Variants in CCDC91 observed in about 807,000 individuals in gnomAD.
CCDC91 encodes coiled-coil domain-containing protein 91.
In CCDC91, 48 loss-of-function variants were observed where a neutral mutation model predicts 63.2. The ratio of observed to expected loss-of-function variants is 0.76; its 90% CI spans 0.60 to 0.97. The LOEUF (loss-of-function observed/expected upper bound fraction) is 0.97, where lower values mean the gene tolerates loss of function less well. Among genes scored for constraint, CCDC91 ranks in the 50% least tolerant of loss-of-function variants. The pLI, the probability that CCDC91 is intolerant of heterozygous loss-of-function variation, is 0.00. For synonymous variants in CCDC91, 167 were observed against 165.8 expected (o/e 1.01, Z -0.06); for missense variants, 500 against 494.6 (o/e 1.01, Z -0.10).
At chr12:28,488,734 G>A (rs1951849230) in intron 12 of CCDC91, among the ~76,000 whole-genome samples, 1 of 151,754 alleles carries the variant, frequency 6.6e-6, no homozygotes, top group Admixed American at 6.6e-5. Flanking sequence ...AGAAGAAAAG[G>A]CAAACAGGAA....
At chr12:28,253,183 C>A (rs1203490034) in intron 1 of CCDC91, among the ~76,000 whole-genome samples, 2 of 152,092 alleles carry the variant, frequency 1.3e-5, no homozygotes, top group African/African-American at 2.4e-5. Context: ...CTTTGTGGAA[C>A]GTCTGATAAG....
At chr12:28,253,183 C>T (rs1203490034) in intron 1 of CCDC91, among the ~76,000 whole-genome samples, 4 of 152,092 alleles carry the variant, frequency 2.6e-5, no homozygotes, top group East Asian at 1.9e-4. Context: ...CTTTGTGGAA[C>T]GTCTGATAAG....
intron 12 of CCDC91, among the ~76,000 whole-genome samples, chr12:28,533,586 G>C (rs568807997): frequency 1.9e-4 from 29 of 151,912 alleles, no homozygotes; most frequent in African/African-American, 6.3e-4. Context: ...AAATATATCT[G>C]TTTACTTTCC....
intron 8 of CCDC91, among the ~76,000 whole-genome samples, chr12:28,414,881 A>G (rs1433889072): frequency 6.6e-6 from 1 of 152,158 alleles, no homozygotes; most frequent in Non-Finnish European, 1.5e-5. Context: ...CACAAATGAG[A>G]TACTCCATAG....
At chr12:28,489,407 C>G (rs1951883020) in intron 12 of CCDC91, among the ~76,000 whole-genome samples, 1 of 151,842 alleles carries the variant, frequency 6.6e-6, no homozygotes, top group Non-Finnish European at 1.5e-5. Context: ...TTTATAATGA[C>G]CGACAGCCCT....
intron 12 of CCDC91, among the ~76,000 whole-genome samples, chr12:28,522,647 T>A (rs141757526): frequency 0.21 from 31,225 of 152,126 alleles, 4,198 homozygotes; most frequent in Non-Finnish European, 0.3. Flanking sequence ...GCTTCTCTAG[T>A]TCTTTTAATT....
intron 12 of CCDC91, among the ~76,000 whole-genome samples, chr12:28,537,244 C>T (rs1473318936): frequency 2.0e-5 from 3 of 152,122 alleles, no homozygotes; most frequent in East Asian, 3.9e-4. Flanking sequence ...GGAGGAGGCA[C>T]TTGCCAATGC....
intron 3 of CCDC91, among the ~76,000 whole-genome samples, chr12:28,269,652 A>G (rs143182473): frequency 2.0e-5 from 3 of 152,212 alleles, no homozygotes; most frequent in African/African-American, 7.2e-5. Context: ...ATTTGATTTT[A>G]AAGTTTAGAA....
chr12:28,306,714 T>C (rs756032488), intron 4 of CCDC91, 28 bp from the exon 5 acceptor site: 7 of 1,501,672 alleles, frequency 4.7e-6, no homozygotes, highest in Non-Finnish European at 6.4e-6. Context: ...TTTCCTCTCT[T>C]GTGTATTTTT....
At chr12:28,378,996 C>T (rs1009817396) in intron 7 of CCDC91, among the ~76,000 whole-genome samples, 8 of 151,994 alleles carry the variant, frequency 5.3e-5, no homozygotes, top group Admixed American at 1.3e-4. Flanking sequence ...TATTGGAAAC[C>T]TTGCCAGAAG....
intron 8 of CCDC91, among the ~76,000 whole-genome samples, chr12:28,432,886 T>C (rs528371518): frequency 6.6e-6 from 1 of 152,210 alleles, no homozygotes; most frequent in African/African-American, 2.4e-5. Context: ...AAGCCTTTGG[T>C]GATTTCAAAT....
intron 11 of CCDC91, among the ~76,000 whole-genome samples, chr12:28,461,286 G>T (rs928928063): frequency 6.6e-5 from 10 of 151,994 alleles, no homozygotes; most frequent in African/African-American, 2.2e-4. Context: ...TTGATAAGAT[G>T]AATTGGGTGG....
At chr12:28,443,925 T>C (rs1305016899) in intron 8 of CCDC91, among the ~76,000 whole-genome samples, 1 of 152,238 alleles carries the variant, frequency 6.6e-6, no homozygotes, top group Non-Finnish European at 1.5e-5. Flanking sequence ...TATAAATTTC[T>C]ATACTGTGGT....
chr12:28,250,811 A>G (rs1252002157), intron 1 of CCDC91, among the ~76,000 whole-genome samples: 3 of 152,126 alleles, frequency 2.0e-5, no homozygotes, highest in African/African-American at 7.2e-5. Context: ...GGATCCCCAC[A>G]CTACCTCCAG....
chr12:28,199,244 T>C (rs2121398691), intron 1 of CCDC91, among the ~76,000 whole-genome samples: 1 of 152,248 alleles, frequency 6.6e-6, no homozygotes, highest in Admixed American at 6.5e-5. Flanking sequence ...ATTTTTTGAG[T>C]TCTCAGTGGT....
chr12:28,402,800 TC>T (rs1946719490), intron 8 of CCDC91, among the ~76,000 whole-genome samples: 1 of 152,142 alleles, frequency 6.6e-6, no homozygotes, highest in Non-Finnish European at 1.5e-5. Context: ...TTATTCTTTA[TC>T]AAGTTGAGGA....
chr12:28,204,802 ATTC>A (rs1440647902), intron 1 of CCDC91, among the ~76,000 whole-genome samples: 1 of 152,180 alleles, frequency 6.6e-6, no homozygotes, highest in Non-Finnish European at 1.5e-5. Flanking sequence ...AGTACAGCTA[ATTC>A]TTCTGTAGCG....
intron 6 of CCDC91, among the ~76,000 whole-genome samples, chr12:28,328,914 A>C (rs980457046): frequency 9.9e-5 from 15 of 152,164 alleles, no homozygotes; most frequent in African/African-American, 3.4e-4. Context: ...AAACAGTTTA[A>C]GTCAGTAGCT....
At chr12:28,398,906 T>C (rs1267660055) in intron 8 of CCDC91, among the ~76,000 whole-genome samples, 3 of 152,346 alleles carry the variant, frequency 2.0e-5, no homozygotes, top group Admixed American at 6.5e-5. Context: ...TTGACAGATA[T>C]GTGCACTACA....
Sources: allele counts gnomAD v4.1 joint callset (sites outside exome capture counted in the v4.1 genomes callset), GRCh38; gene constraint gnomAD v4.1.1; transcripts MANE v1.5; gene names NCBI Gene and HGNC (gene_info 2026-07-23, HGNC 2026-07-21).